CDH18: variants seen among roughly 807,000 people sequenced by gnomAD.
CDH18 encodes cadherin 18, also known as cadherin-18.
CDH18 carries 31 observed loss-of-function variants against 67.9 expected under a neutral mutation model. The observed-to-expected ratio is 0.46, with a 90% confidence interval of 0.34 to 0.62. CDH18 has a LOEUF of 0.62. Ranked by LOEUF, CDH18 falls within the 20% of genes least tolerant of loss-of-function variation. CDH18 has a pLI of 0.01. For synonymous variants in CDH18, 362 were observed against 347.2 expected (o/e 1.04, Z -0.48); for missense variants, 890 against 975.5 (o/e 0.91, Z 1.17).
chr5:20,283,644 C>T (rs920355410), intron 1 of CDH18, among the ~76,000 whole-genome samples: 3 of 152,032 alleles, frequency 2.0e-5, no homozygotes, highest in African/African-American at 7.2e-5. Flanking sequence ...CCCTTGTACA[C>T]GGTTGGTGGG....
intron 2 of CDH18, among the ~76,000 whole-genome samples, chr5:20,013,580 T>C (rs1005691028): frequency 3.3e-5 from 5 of 152,084 alleles, no homozygotes; most frequent in Admixed American, 2.0e-4. Context: ...GACTGACTAA[T>C]GTTTTCATGA....
At chr5:19,573,350 C>T (rs1741769345) in intron 7 of CDH18, among the ~76,000 whole-genome samples, 1 of 149,168 alleles carries the variant, frequency 6.7e-6, no homozygotes, top group Non-Finnish European at 1.5e-5. Context: ...GAGATCTCGG[C>T]TCACTGCAAG....
chr5:20,386,464 G>A (rs1233423390), intron 1 of CDH18, among the ~76,000 whole-genome samples: 1 of 152,036 alleles, frequency 6.6e-6, no homozygotes, highest in African/African-American at 2.4e-5. Flanking sequence ...TGTGTATCTT[G>A]CAATTGGCTT....
At chr5:20,258,278 A>G (rs975488700) in intron 1 of CDH18, among the ~76,000 whole-genome samples, 1 of 152,164 alleles carries the variant, frequency 6.6e-6, no homozygotes, top group African/African-American at 2.4e-5. Flanking sequence ...GAAAAAAAAT[A>G]TGTAGAAAAT....
intron 5 of CDH18, among the ~76,000 whole-genome samples, chr5:19,676,304 C>T (rs575081944): frequency 2.0e-5 from 3 of 152,130 alleles, no homozygotes; most frequent in East Asian, 1.9e-4. Flanking sequence ...ACCCCAACTT[C>T]GCTAAAGAGG....
At chr5:20,508,682 G>C (rs566615478) in intron 1 of CDH18, among the ~76,000 whole-genome samples, 2 of 151,972 alleles carry the variant, frequency 1.3e-5, no homozygotes, top group Admixed American at 1.3e-4. Flanking sequence ...AGAAAAGCTA[G>C]CTTTATACAA....
intron 1 of CDH18, among the ~76,000 whole-genome samples, chr5:20,504,181 G>T (rs1754515712): frequency 6.6e-6 from 1 of 152,088 alleles, no homozygotes; most frequent in South Asian, 2.1e-4. Flanking sequence ...TAAGATACTA[G>T]TGAGACGCTA....
At chr5:20,372,871 T>A (rs1473909272) in intron 1 of CDH18, among the ~76,000 whole-genome samples, 1 of 152,120 alleles carries the variant, frequency 6.6e-6, no homozygotes, top group African/African-American at 2.4e-5. Flanking sequence ...TTGTCTGAAA[T>A]TAAATCTAGA....
At chr5:20,083,579 C>T (rs1744676056) in intron 2 of CDH18, among the ~76,000 whole-genome samples, 1 of 152,146 alleles carries the variant, frequency 6.6e-6, no homozygotes, top group African/African-American at 2.4e-5. Context: ...TCTCCTCAGG[C>T]CCCCTATTCA....
rs371070686 is a variant in CDH18, at chr5:19,857,064, A to T, written c.-256-17822T>A. On this transcript the variant is annotated intron_variant, in intron 2 of 12. Coordinates refer to ENST00000382275, the MANE Select transcript of CDH18 (RefSeq NM_004934.5). ...ATAGTGAGATCCCATCTCCACAAAA[A>T]CTTGAAAAGAAAATTAGTGAGGTGT... 1.7e-4 allele frequency among the ~76,000 whole-genome samples: 26 copies of T among 152,082 alleles called. 1 individual carries two copies. Among genetic ancestry groups the T allele is most frequent in the African/African-American group, 5.5e-4 (23 of 41,508 alleles).
intron 11 of CDH18, among the ~76,000 whole-genome samples, chr5:19,502,261 A>G (rs1743373128): frequency 6.6e-6 from 1 of 152,192 alleles, no homozygotes; most frequent in African/African-American, 2.4e-5. Context: ...GATAAACATA[A>G]TCAAATATAT....
chr5:20,358,954 C>A (rs1440496300), intron 1 of CDH18, among the ~76,000 whole-genome samples: 1 of 122,916 alleles, frequency 8.1e-6, no homozygotes, highest in East Asian at 2.4e-4. Context: ...TTTTTTGAGA[C>A]GGAGTTTCAC....
At chr5:20,118,023 C>T (rs1337455255) in intron 2 of CDH18, among the ~76,000 whole-genome samples, 1 of 152,114 alleles carries the variant, frequency 6.6e-6, no homozygotes, top group Non-Finnish European at 1.5e-5. Flanking sequence ...GCTGCTAATT[C>T]CACTGTAATT....
intron 2 of CDH18, among the ~76,000 whole-genome samples, chr5:19,873,220 C>G (rs1248691243): frequency 1.4e-5 from 2 of 144,084 alleles, no homozygotes; most frequent in African/African-American, 5.0e-5. Context: ...AAAAAAAAAG[C>G]CTGAACAAGC....
At chr5:19,483,794 A>G (rs1739906452) in intron 11 of CDH18, among the ~76,000 whole-genome samples, 1 of 152,240 alleles carries the variant, frequency 6.6e-6, no homozygotes, top group African/African-American at 2.4e-5. Flanking sequence ...AAGACAAAGC[A>G]GGAGGAAGCA....
intron 6 of CDH18, among the ~76,000 whole-genome samples, chr5:19,594,638 G>C (rs951797873): frequency 1.3e-5 from 2 of 152,284 alleles, no homozygotes; most frequent in Admixed American, 6.5e-5. Context: ...AAATCAGCAA[G>C]TGTGTTGCCT....
chr5:19,817,458 CAAG>C (rs772845968), intron 3 of CDH18, among the ~76,000 whole-genome samples: 7 of 151,870 alleles, frequency 4.6e-5, no homozygotes, highest in African/African-American at 7.3e-5. Flanking sequence ...AAAAAAGTAA[CAAG>C]AGACAATAAA....
At chr5:19,938,439 A>G (rs2150223142) in intron 2 of CDH18, among the ~76,000 whole-genome samples, 1 of 151,626 alleles carries the variant, frequency 6.6e-6, no homozygotes, top group African/African-American at 2.4e-5. Context: ...ACACCTTCTC[A>G]TAAAATGCAC....
intron 11 of CDH18, among the ~76,000 whole-genome samples, chr5:19,493,537 GGTGTGTGTGTGTGT>G (rs67879363): frequency 4.1e-5 from 6 of 147,934 alleles, no homozygotes; most frequent in African/African-American, 7.5e-5. Flanking sequence ...AGGGAATTGG[GGTGTGTGTGTGTGT>G]GTGTGTGTGT....
Sources: gnomAD v4.1 joint callset for allele counts (sites outside exome capture counted in the v4.1 genomes callset) on GRCh38, gnomAD v4.1.1 for gene constraint, MANE v1.5 for transcripts, NCBI Gene and HGNC (gene_info 2026-07-23, HGNC 2026-07-21) for gene names.